Variants in CAMTA1 observed in about 807,000 individuals in gnomAD.
CAMTA1 encodes calmodulin binding transcription activator 1, also known as calmodulin-binding transcription activator 1.
A neutral mutation model predicts 170.9 loss-of-function variants in CAMTA1; 27 were observed. That is an observed-to-expected ratio of 0.16 (90% CI 0.12 to 0.22). The LOEUF is 0.22. CAMTA1 is among the 10% of genes least tolerant of loss of function. The probability of loss-of-function intolerance (pLI) is 1.00; values close to 1 mark genes in which losing one functional copy is unlikely to be tolerated. For synonymous variants in CAMTA1, 833 were observed against 891.5 expected (o/e 0.93, Z 1.17); for missense variants, 1,619 against 2,217.2 (o/e 0.73, Z 5.42).
At chr1:7,537,978 G>A (rs2094568255) in intron 6 of CAMTA1, among the ~76,000 whole-genome samples, 1 of 152,106 alleles carries the variant, frequency 6.6e-6, no homozygotes, top group Non-Finnish European at 1.5e-5. Context: ...TGACGTCGTG[G>A]CTCTAGGTTT....
intron 5 of CAMTA1, among the ~76,000 whole-genome samples, chr1:7,362,438 T>C (rs1254392528): frequency 2.0e-5 from 3 of 152,158 alleles, no homozygotes; most frequent in Non-Finnish European, 4.4e-5. Context: ...AAAGAGTTAG[T>C]AGACTTCAAT....
At chr1:7,317,968 C>T (rs997133551) in intron 5 of CAMTA1, among the ~76,000 whole-genome samples, 2 of 152,220 alleles carry the variant, frequency 1.3e-5, no homozygotes, top group Non-Finnish European at 1.5e-5. Context: ...TGAGGCCCTT[C>T]CTACCACCCA....
rs557655831 is a variant in CAMTA1 at position 7,248,351 on chromosome 1, C to A, written c.303-1140C>A. On this transcript the variant is annotated intron_variant, in intron 4 of 22. Coordinates refer to ENST00000303635, the MANE Select transcript of CAMTA1 (RefSeq NM_015215.4). This position sits in a 1 kb window ranked among gnomAD's most constrained non-coding sequence, Gnocchi z 4.0. ...AACATACAAGCCAGGCTGAAGAAGC[C>A]CCACTTCATTTGCCTTATTTGTGTA... 3.9e-5 allele frequency among the ~76,000 whole-genome samples: 6 copies of A among 152,298 alleles called. No homozygotes were observed. The highest frequency in any genetic ancestry group is 5.9e-5 in the Non-Finnish European group (4 of 68,024).
chr1:7,523,147 G>A (rs898711815), intron 6 of CAMTA1, among the ~76,000 whole-genome samples: 4 of 152,158 alleles, frequency 2.6e-5, no homozygotes, highest in South Asian at 2.1e-4. Context: ...GATTACAGGC[G>A]TGAGCCACCG....
At chr1:7,187,327 G>A (rs932900441) in intron 4 of CAMTA1, among the ~76,000 whole-genome samples, 4 of 152,150 alleles carry the variant, frequency 2.6e-5, no homozygotes, top group African/African-American at 9.7e-5. Context: ...GGGAAGGATT[G>A]CCAACTGCTG....
intron 3 of CAMTA1, among the ~76,000 whole-genome samples, chr1:6,994,294 C>T (rs530703646): frequency 6.6e-6 from 1 of 152,172 alleles, no homozygotes; most frequent in South Asian, 2.1e-4. Flanking sequence ...ATCAGAGTTC[C>T]CATTTGTATC....
intron 4 of CAMTA1, among the ~76,000 whole-genome samples, chr1:7,172,804 G>A (rs79262330): frequency 0.013 from 1,924 of 152,280 alleles, 33 homozygotes; most frequent in African/African-American, 0.043. Context: ...TGGCATCCCC[G>A]GGGCCCTGGA....
chr1:7,455,027 A>G lies in CAMTA1; in HGVS notation c.439-12803A>G, dbSNP rs2092917529. 6.6e-6 allele frequency among the ~76,000 whole-genome samples: 1 copy of G among 152,204 alleles called. No homozygotes were observed. Among genetic ancestry groups the G allele is most frequent in the Non-Finnish European group, 1.5e-5 (1 of 68,034 alleles). On this transcript the variant is annotated intron_variant, in intron 5 of 22. Coordinates refer to ENST00000303635, the MANE Select transcript of CAMTA1 (RefSeq NM_015215.4). This position sits in a 1 kb window ranked among gnomAD's most constrained non-coding sequence, Gnocchi z 5.0. ...GGGGTTCATCCCCCTGCTCCGTGCC[A>G]GAGCCTCGGAGGTTCCGATGCACTC...
intron 3 of CAMTA1, among the ~76,000 whole-genome samples, chr1:6,941,322 C>G (rs1004770049): frequency 1.3e-5 from 2 of 152,160 alleles, no homozygotes; most frequent in African/African-American, 2.4e-5. Context: ...GAGAAAGATG[C>G]CCAGTGGCCC....
Position 7,565,228 on chromosome 1 carries a change from G to A in CAMTA1, c.511-75172G>A, listed in dbSNP as rs945033441. Among the ~76,000 whole-genome samples the A allele has an allele frequency of 4.6e-5, 7 of 152,288 alleles. No individual in the cohort carries two copies. Among genetic ancestry groups the A allele is most frequent in the Non-Finnish European group, 8.8e-5 (6 of 68,022 alleles). On this transcript the variant is annotated intron_variant, in intron 6 of 22. Transcript: ENST00000303635. The surrounding 1 kb of genome is among the most constrained non-coding windows in gnomAD (Gnocchi z 4.5). ...CTCCATCTGTCCCTCCTCATTCCCC[G>A]GAGAAGCACCCAGAGAGATGTAGCT...
intron 3 of CAMTA1, among the ~76,000 whole-genome samples, chr1:7,029,365 G>A (rs144386839): frequency 0.016 from 2,477 of 152,014 alleles, 38 homozygotes; most frequent in Middle Eastern, 0.034. Flanking sequence ...AGCTGGGCGT[G>A]GTGGCGGGTG....
chr1:6,827,300 G>A (rs545318738), intron 3 of CAMTA1, among the ~76,000 whole-genome samples: 1 of 152,334 alleles, frequency 6.6e-6, no homozygotes, highest in South Asian at 2.1e-4. Context: ...AAGCCATGCA[G>A]CACCCTTTCC....
intron 6 of CAMTA1, among the ~76,000 whole-genome samples, chr1:7,491,185 G>GC (rs2093697948): frequency 6.6e-6 from 1 of 152,076 alleles, no homozygotes; most frequent in African/African-American, 2.4e-5. Flanking sequence ...ACCACCCCCG[G>GC]CCTCCATGTA....
intron 11 of CAMTA1, among the ~76,000 whole-genome samples, chr1:7,707,849 T>C (rs1181687822): frequency 6.6e-6 from 1 of 152,232 alleles, no homozygotes; most frequent in Non-Finnish European, 1.5e-5. Flanking sequence ...TCTCCTCTTC[T>C]TGAGTGAATT....
chr1:7,595,064 G>C (rs1276044466), intron 6 of CAMTA1, among the ~76,000 whole-genome samples: 3 of 152,230 alleles, frequency 2.0e-5, no homozygotes, highest in Admixed American at 6.5e-5. Flanking sequence ...ACAGGAAGCG[G>C]AGGGTGCTTG....
At position 7,673,260 on chromosome 1, in the gene CAMTA1, C is replaced by G. The variant is rs1478679041; in HGVS notation, c.2779+2223C>G. 6.6e-6 allele frequency among the ~76,000 whole-genome samples: 1 copy of G among 152,236 alleles called. No homozygotes were observed. The highest frequency in any genetic ancestry group is 1.5e-5 in the Non-Finnish European group (1 of 68,042). On this transcript the variant is annotated intron_variant, in intron 10 of 22. Coordinates refer to ENST00000303635, the MANE Select transcript of CAMTA1 (RefSeq NM_015215.4). This position sits in a 1 kb window ranked among gnomAD's most constrained non-coding sequence, Gnocchi z 4.6. ...GGCTGGAGTCAGCCACACTCGGGTC[C>G]ATCCCAGATCAGCCAGAAACCATCC...
intron 3 of CAMTA1, among the ~76,000 whole-genome samples, chr1:7,069,156 A>G (rs12079437): frequency 0.078 from 11,889 of 152,156 alleles, 1,535 homozygotes; most frequent in African/African-American, 0.27. Flanking sequence ...CCTTAACCCA[A>G]AGGCAACTGG....
chr1:7,650,746 T>G (rs538806664), intron 7 of CAMTA1, among the ~76,000 whole-genome samples: 1 of 152,286 alleles, frequency 6.6e-6, no homozygotes, highest in South Asian at 2.1e-4. Context: ...AATTTTGTCC[T>G]CAGGACCAAT....
intron 3 of CAMTA1, among the ~76,000 whole-genome samples, chr1:6,917,697 A>G (rs1268475110): frequency 6.6e-6 from 1 of 150,872 alleles, no homozygotes; most frequent in Non-Finnish European, 1.5e-5. Flanking sequence ...AGTAGGATTT[A>G]TGGGCTTGAA....
Sources: gnomAD v4.1 joint callset for allele counts (sites outside exome capture counted in the v4.1 genomes callset) on GRCh38, gnomAD v4.1.1 for gene constraint, Gnocchi (gnomAD v3.1) non-coding constraint, MANE v1.5 for transcripts, NCBI Gene and HGNC (gene_info 2026-07-23, HGNC 2026-07-21) for gene names.